Variants in SYNDIG1 observed in about 807,000 individuals in gnomAD.
SYNDIG1 encodes synapse differentiation-inducing gene protein 1.
In SYNDIG1, 9 loss-of-function variants were observed where a neutral mutation model predicts 19.4. That is an observed-to-expected ratio of 0.46 (90% confidence interval 0.28 to 0.81). The LOEUF (loss-of-function observed/expected upper bound fraction) is 0.81, where lower values mean the gene tolerates loss of function less well. SYNDIG1 is among the 30% of genes least tolerant of loss of function. The pLI is 0.12. For synonymous variants in SYNDIG1, 141 were observed against 145.9 expected (o/e 0.97, Z 0.24); for missense variants, 311 against 343.3 (o/e 0.91, Z 0.74).
intron 2 of SYNDIG1, among the ~76,000 whole-genome samples, chr20:24,572,619 A>G (rs2058162806): frequency 6.6e-6 from 1 of 152,134 alleles, no homozygotes; most frequent in Non-Finnish European, 1.5e-5. Flanking sequence ...GGTGGAGGAC[A>G]GGGTTGGGCA....
At chr20:24,656,956 G>A (rs2059531397) in intron 3 of SYNDIG1, among the ~76,000 whole-genome samples, 2 of 152,172 alleles carry the variant, frequency 1.3e-5, no homozygotes, top group South Asian at 4.1e-4. Context: ...CTGAGATCTG[G>A]TTGAGTAAAA....
intron 1 of SYNDIG1, among the ~76,000 whole-genome samples, chr20:24,492,887 A>G (rs1202665880): frequency 3.3e-5 from 5 of 152,258 alleles, no homozygotes; most frequent in African/African-American, 1.2e-4. Context: ...AGTGGCAGGA[A>G]TTCAAGGTGC....
At chr20:24,481,091 A>G (rs2055783488) in intron 1 of SYNDIG1, among the ~76,000 whole-genome samples, 1 of 152,198 alleles carries the variant, frequency 6.6e-6, no homozygotes. Context: ...AATGGTTACG[A>G]TTATGTAAAT....
chr20:24,483,087 C>T (rs1382746716), intron 1 of SYNDIG1, among the ~76,000 whole-genome samples: 2 of 152,192 alleles, frequency 1.3e-5, no homozygotes, highest in African/African-American at 2.4e-5. Flanking sequence ...TGTAATGTTT[C>T]GGCTACACGT....
chr20:24,634,664 A>G (rs1349911367), intron 3 of SYNDIG1, among the ~76,000 whole-genome samples: 1 of 152,168 alleles, frequency 6.6e-6, no homozygotes, highest in African/African-American at 2.4e-5. Context: ...TATTTCCCGT[A>G]TAAATTTCTA....
chr20:24,522,599 G>A (rs1416390983), intron 1 of SYNDIG1, among the ~76,000 whole-genome samples: 3 of 152,162 alleles, frequency 2.0e-5, no homozygotes, highest in Non-Finnish European at 4.4e-5. Context: ...TGTGGGATGA[G>A]GCTGTGGTTG....
At chr20:24,503,956 G>GTTTTTTT (rs777270289) in intron 1 of SYNDIG1, among the ~76,000 whole-genome samples, 10 of 125,290 alleles carry the variant, frequency 8.0e-5, no homozygotes, top group African/African-American at 3.3e-4. Context: ...GGGAGAGCAG[G>GTTTTTTT]TTTTTTTTTT....
chr20:24,638,605 C>A (rs770586247), intron 3 of SYNDIG1, among the ~76,000 whole-genome samples: 2 of 152,146 alleles, frequency 1.3e-5, no homozygotes, highest in South Asian at 4.2e-4. Context: ...TCAAGAAATA[C>A]CCCCACTTTG....
At chr20:24,614,379 T>C (rs984628488) in intron 3 of SYNDIG1, among the ~76,000 whole-genome samples, 5 of 152,198 alleles carry the variant, frequency 3.3e-5, no homozygotes, top group Non-Finnish European at 7.3e-5. Context: ...GGGAATACAA[T>C]AAATATACTT....
chr20:24,514,371 A>G (rs1415891553), intron 1 of SYNDIG1, among the ~76,000 whole-genome samples: 1 of 152,220 alleles, frequency 6.6e-6, no homozygotes, highest in African/African-American at 2.4e-5. Flanking sequence ...TGCTGTATTC[A>G]GGAGACCCAT....
intron 2 of SYNDIG1, among the ~76,000 whole-genome samples, chr20:24,561,396 G>C (rs1467973556): frequency 3.1e-4 from 47 of 152,134 alleles, no homozygotes; most frequent in Admixed American, 2.9e-3. Flanking sequence ...CTTAGACTAG[G>C]AGAGCTGGAA....
At chr20:24,566,856 A>G (rs1414226306) in intron 2 of SYNDIG1, among the ~76,000 whole-genome samples, 1 of 152,138 alleles carries the variant, frequency 6.6e-6, no homozygotes, top group Non-Finnish European at 1.5e-5. Flanking sequence ...CTGCATTCCT[A>G]CGGCTGCTAG....
intron 1 of SYNDIG1, among the ~76,000 whole-genome samples, chr20:24,525,940 C>A (rs1430905114): frequency 6.6e-6 from 1 of 151,960 alleles, no homozygotes; most frequent in African/African-American, 2.4e-5. Flanking sequence ...TTGTTGTATA[C>A]GGTTAATTGG....
chr20:24,557,717 TG>T (rs901225802), intron 2 of SYNDIG1, among the ~76,000 whole-genome samples: 3 of 152,148 alleles, frequency 2.0e-5, no homozygotes, highest in Non-Finnish European at 4.4e-5. Flanking sequence ...CTGCCCGTAC[TG>T]GGGGGTGCCT....
At chr20:24,582,844 G>A (rs1167031120) in intron 2 of SYNDIG1, among the ~76,000 whole-genome samples, 1 of 152,250 alleles carries the variant, frequency 6.6e-6, no homozygotes, top group East Asian at 1.9e-4. Flanking sequence ...CACCACAGCA[G>A]AGGCAGCGAC....
At chr20:24,660,876 C>T (rs543384892) in intron 3 of SYNDIG1, among the ~76,000 whole-genome samples, 2 of 152,342 alleles carry the variant, frequency 1.3e-5, no homozygotes, top group East Asian at 3.9e-4. Context: ...AGAGCAGCAC[C>T]CTCCTGGCCC....
At chr20:24,644,432 T>G (rs1187140382) in intron 3 of SYNDIG1, among the ~76,000 whole-genome samples, 1 of 152,240 alleles carries the variant, frequency 6.6e-6, no homozygotes. Flanking sequence ...GTGCTTTGCA[T>G]AGCACTGGGA....
At chr20:24,629,056 G>A (rs1399669122) in intron 3 of SYNDIG1, among the ~76,000 whole-genome samples, 1 of 152,218 alleles carries the variant, frequency 6.6e-6, no homozygotes, top group Non-Finnish European at 1.5e-5. Context: ...CATGCAAATG[G>A]CTTTGTTTCA....
At chr20:24,508,659 A>G (rs2146442231) in intron 1 of SYNDIG1, among the ~76,000 whole-genome samples, 1 of 152,378 alleles carries the variant, frequency 6.6e-6, no homozygotes, top group Admixed American at 6.5e-5. Flanking sequence ...AAAGCCTAGA[A>G]GTTGAAGATC....
Sources: allele counts gnomAD v4.1 joint callset (sites outside exome capture counted in the v4.1 genomes callset), GRCh38; gene constraint gnomAD v4.1.1; transcripts MANE v1.5; gene names NCBI Gene and HGNC (gene_info 2026-07-23, HGNC 2026-07-21).